Variants in ZMYM4 observed in about 807,000 individuals in gnomAD.
ZMYM4 encodes the protein zinc finger MYM-type protein 4.
In ZMYM4, 31 loss-of-function variants were observed where a neutral mutation model predicts 183.2. The ratio of observed to expected loss-of-function variants is 0.17; its 90% CI spans 0.13 to 0.23. ZMYM4 has a LOEUF of 0.23. ZMYM4 is among the 10% of genes least tolerant of loss of function. The probability of loss-of-function intolerance (pLI) is 1.00; values close to 1 mark genes in which losing one functional copy is unlikely to be tolerated. For synonymous variants in ZMYM4, 592 were observed against 631.2 expected, an observed-to-expected ratio of 0.94 and a Z score of 0.93; for missense variants, 1,273 against 1,840.3, an observed-to-expected ratio of 0.69 and a Z score of 5.64.
At chr1:35,383,745 A>G (rs1644514723) in intron 9 of ZMYM4, among the ~76,000 whole-genome samples, 1 of 152,192 alleles carries the variant, frequency 6.6e-6, no homozygotes, top group Non-Finnish European at 1.5e-5. Flanking sequence ...AATTTAGTCA[A>G]AACCTATTAA....
chr1:35,295,710 T>A (rs1640973161), intron 1 of ZMYM4, among the ~76,000 whole-genome samples: 1 of 152,104 alleles, frequency 6.6e-6, no homozygotes, highest in African/African-American at 2.4e-5. Flanking sequence ...GGAGGAAGAT[T>A]TATGGTATAT....
intron 1 of ZMYM4, 67 bp downstream of exon 1, chr1:35,269,152 A>C: frequency 6.5e-7 from 1 of 1,535,338 alleles, no homozygotes; most frequent in Non-Finnish European, 8.8e-7. Context: ...GGAATGGGCC[A>C]TACTCAGGTT....
rs397863926 is a variant in ZMYM4 at position 35,374,019 on chromosome 1, C to CTTTTTT, written c.1181+3415_1181+3420dup. Reference sequence around the variant, plus strand: ...ATTCCAGTATGTTCATCATGGGATTCTTTTTTTTTTTTTTTTTTTTTTTTT... The same window carrying CTTTTTT: ...ATTCCAGTATGTTCATCATGGGATTCTTTTTTTTTTTTTTTTTTTTTTTTTTTTTTT... On this transcript the variant is annotated intron_variant, in intron 7 of 29. Transcript: ENST00000314607. Among the ~76,000 whole-genome samples, 10 of 52,792 alleles carry CTTTTTT rather than the reference C, an allele frequency of 1.9e-4. 1 individual carries two copies. Among genetic ancestry groups the CTTTTTT allele is most frequent in the African/African-American group, 5.4e-4 (7 of 13,032 alleles). 34.6% of individuals were successfully genotyped at this position (52,792 alleles called of 152,430 possible).
intron 23 of ZMYM4, chr1:35,399,873 T>C (rs899011326): frequency 4.1e-5 from 11 of 266,382 alleles, no homozygotes; most frequent in Middle Eastern, 1.3e-3. Flanking sequence ...ATTTAGCTCT[T>C]TTTACATGTT....
At chr1:35,351,230 G>T (rs1643594377) in intron 2 of ZMYM4, 2 of 1,492,162 alleles carry the variant, frequency 1.3e-6, no homozygotes, top group Admixed American at 1.7e-5. Context: ...ATGGAGGCTT[G>T]TCTGTCCCTC....
At chr1:35,374,221 A>T (rs542621615) in intron 7 of ZMYM4, among the ~76,000 whole-genome samples, 6 of 151,232 alleles carry the variant, frequency 4.0e-5, no homozygotes, top group South Asian at 4.2e-4. Flanking sequence ...TTTAGTAGAG[A>T]TGGGGTTTCT....
intron 1 of ZMYM4, among the ~76,000 whole-genome samples, chr1:35,306,956 C>T (rs1641560243): frequency 6.6e-6 from 1 of 152,172 alleles, no homozygotes; most frequent in Admixed American, 6.5e-5. Context: ...CTGAAAAGTA[C>T]AGAAATGCTT....
chr1:35,295,996 C>T (rs1176797364), intron 1 of ZMYM4: 1 of 152,144 alleles, frequency 6.6e-6, no homozygotes, highest in Non-Finnish European at 1.5e-5. Context: ...CCGGTATGTC[C>T]CTGCTGTCCT....
At chr1:35,317,584 G>A (rs1210973682) in intron 1 of ZMYM4, among the ~76,000 whole-genome samples, 5 of 152,142 alleles carry the variant, frequency 3.3e-5, no homozygotes, top group African/African-American at 7.2e-5. Flanking sequence ...CAAGCCAACC[G>A]AAGGACTTCT....
chr1:35,330,404 G>A (rs1642687626), intron 2 of ZMYM4, among the ~76,000 whole-genome samples: 1 of 152,150 alleles, frequency 6.6e-6, no homozygotes, highest in Non-Finnish European at 1.5e-5. Context: ...TTTCAAGGTA[G>A]CGTGGTGTTC....
Position 35,419,638 on chromosome 1 carries a change from A to G in ZMYM4, c.4608A>G (p.Lys1536=), listed in dbSNP as rs1196477038. 1.2e-6 allele frequency: 2 copies of G among 1,614,224 alleles called. No individual in the cohort carries two copies. The highest frequency in any genetic ancestry group is 1.3e-5 in the African/African-American group (1 of 75,054). Residue 1536 remains lysine (K), a synonymous_variant, in exon 30 of 30, where the codon AAA becomes AAG. Coordinates refer to ENST00000314607, the MANE Select transcript of ZMYM4 (RefSeq NM_005095.3). ...MVREVHEELA[K]AKSEDSDVEL... is the part of the protein sequence containing the mutation. ...GGGAGGTACATGAAGAACTTGCCAAAGCCAAATCTGAAGACTCTGATGTTG... is the reference window on the plus strand; with the variant it reads ...GGGAGGTACATGAAGAACTTGCCAAGGCCAAATCTGAAGACTCTGATGTTG...
intron 1 of ZMYM4, among the ~76,000 whole-genome samples, chr1:35,284,219 A>C (rs1253285710): frequency 6.7e-6 from 1 of 149,570 alleles, no homozygotes; most frequent in Non-Finnish European, 1.5e-5. Context: ...CTCATGATCC[A>C]CCTGCCTCGG....
chr1:35,270,540 C>G (rs1639543574), intron 1 of ZMYM4, among the ~76,000 whole-genome samples: 1 of 152,204 alleles, frequency 6.6e-6, no homozygotes, highest in Non-Finnish European at 1.5e-5. Context: ...GGCAGGATCA[C>G]TTGAGGCCAG....
intron 13 of ZMYM4, 41 bp downstream of exon 13, chr1:35,387,645 T>G (rs772550963): frequency 3.8e-6 from 6 of 1,570,108 alleles, no homozygotes; most frequent in Non-Finnish European, 5.2e-6. Context: ...GCATGTTGGT[T>G]GTTTTAAAGC....
chr1:35,269,309 T>TTGCC (rs984909930), intron 1 of ZMYM4, among the ~76,000 whole-genome samples: 1 of 151,924 alleles, frequency 6.6e-6, no homozygotes, highest in African/African-American at 2.4e-5. Flanking sequence ...GGGCCGTTGT[T>TTGCC]TGCCTTCCTC....
At chr1:35,397,649 ATT>A in intron 20 of ZMYM4, 104 bp downstream of exon 20, 1 of 988,794 alleles carries the variant, frequency 1.0e-6, no homozygotes, top group South Asian at 2.8e-5. Flanking sequence ...TAAAACCTTT[ATT>A]GTCTGTGAAT....
At chr1:35,412,083 G>T (rs538232098) in intron 26 of ZMYM4, among the ~76,000 whole-genome samples, 1 of 149,938 alleles carries the variant, frequency 6.7e-6, no homozygotes, top group East Asian at 1.9e-4. Context: ...AGTAGAGACA[G>T]GGTTTCACCG....
At chr1:35,329,972 T>G (rs1033943993) in intron 2 of ZMYM4, among the ~76,000 whole-genome samples, 4 of 152,150 alleles carry the variant, frequency 2.6e-5, no homozygotes, top group Non-Finnish European at 5.9e-5. Flanking sequence ...TTCCAGTACT[T>G]TGGGAGGCTG....
At chr1:35,390,711 T>G (rs576387823) in intron 15 of ZMYM4, among the ~76,000 whole-genome samples, 1 of 152,304 alleles carries the variant, frequency 6.6e-6, no homozygotes, top group African/African-American at 2.4e-5. Flanking sequence ...TAAATAGATT[T>G]CTTTGAGAAT....
Sources: allele counts gnomAD v4.1 joint callset (sites outside exome capture counted in the v4.1 genomes callset), GRCh38; gene constraint gnomAD v4.1.1; transcripts MANE v1.5; gene names NCBI Gene and HGNC (gene_info 2026-07-23, HGNC 2026-07-21).